Variants in ROBO2 observed in about 807,000 individuals in gnomAD.
The protein encoded by ROBO2 is roundabout guidance receptor 2.
A neutral mutation model predicts 160.8 loss-of-function variants in ROBO2; 53 were observed. That is an observed-to-expected ratio of 0.33 (90% CI 0.26 to 0.41). ROBO2 has a LOEUF of 0.41. Among genes scored for constraint, ROBO2 ranks in the 10% least tolerant of loss-of-function variants. The probability of loss-of-function intolerance (pLI) is 1.00; values close to 1 mark genes in which losing one functional copy is unlikely to be tolerated. For missense variants in ROBO2, 1,577 were observed against 1,722.4 expected (o/e 0.92, Z 1.49); for synonymous variants, 664 against 611.7 (o/e 1.09, Z -1.26).
chr3:76,766,702 T>A (rs1285295672), intron 2 of ROBO2, among the ~76,000 whole-genome samples: 1 of 151,566 alleles, frequency 6.6e-6, no homozygotes, highest in Admixed American at 6.6e-5. Flanking sequence ...ACAACAAAGT[T>A]GGGGGTGGAG....
At chr3:75,923,595 A>C (rs1294636271) in intron 1 of ROBO2, among the ~76,000 whole-genome samples, 1 of 152,228 alleles carries the variant, frequency 6.6e-6, no homozygotes, top group Non-Finnish European at 1.5e-5. Context: ...CCAGAACACA[A>C]GAGGATGCTG....
chr3:77,335,366 C>T (rs2066389090), intron 2 of ROBO2, among the ~76,000 whole-genome samples: 1 of 152,164 alleles, frequency 6.6e-6, no homozygotes, highest in African/African-American at 2.4e-5. Flanking sequence ...AATATCACAT[C>T]ACCGCACTCC....
chr3:76,071,121 T>G (rs1253251033), intron 2 of ROBO2, among the ~76,000 whole-genome samples: 1 of 152,202 alleles, frequency 6.6e-6, no homozygotes, highest in East Asian at 1.9e-4. Flanking sequence ...TTGTCTGGGT[T>G]GATAATTATC....
chr3:76,750,847 T>A (rs2093973275), intron 2 of ROBO2, among the ~76,000 whole-genome samples: 1 of 152,108 alleles, frequency 6.6e-6, no homozygotes, highest in Non-Finnish European at 1.5e-5. Context: ...GAAGACTCAA[T>A]ATCGTGAAAA....
intron 2 of ROBO2, among the ~76,000 whole-genome samples, chr3:77,016,486 A>T (rs1157718347): frequency 6.6e-6 from 1 of 152,084 alleles, no homozygotes; most frequent in African/African-American, 2.4e-5. Context: ...ATCTATATAT[A>T]TTTATCTTTG....
At chr3:77,427,455 C>T (rs1581853048) in intron 2 of ROBO2, among the ~76,000 whole-genome samples, 1 of 152,248 alleles carries the variant, frequency 6.6e-6, no homozygotes, top group Admixed American at 6.5e-5. Context: ...TCACGTATCT[C>T]ATAAGTGGTA....
At chr3:76,022,809 C>T (rs1188259170) in intron 2 of ROBO2, among the ~76,000 whole-genome samples, 1 of 151,664 alleles carries the variant, frequency 6.6e-6, no homozygotes, top group East Asian at 1.9e-4. Context: ...GCTGCATTAG[C>T]CCCTACAAAG....
intron 2 of ROBO2, among the ~76,000 whole-genome samples, chr3:77,315,564 T>C (rs2153425989): frequency 6.6e-6 from 1 of 152,342 alleles, no homozygotes; most frequent in African/African-American, 2.4e-5. Flanking sequence ...TCACTCACAT[T>C]TTTTAAAACT....
chr3:76,788,569 A>T (rs368380659), intron 2 of ROBO2, among the ~76,000 whole-genome samples: 1 of 151,592 alleles, frequency 6.6e-6, no homozygotes, highest in Non-Finnish European at 1.5e-5. Flanking sequence ...GACTTTTATG[A>T]TAAGAAATTA....
intron 2 of ROBO2, among the ~76,000 whole-genome samples, chr3:75,941,513 T>C (rs1450430329): frequency 6.6e-6 from 1 of 152,162 alleles, no homozygotes; most frequent in Non-Finnish European, 1.5e-5. Flanking sequence ...TCAATTTGGT[T>C]TCCACGATGA....
intron 2 of ROBO2, among the ~76,000 whole-genome samples, chr3:77,407,321 T>C (rs186818524): frequency 5.0e-4 from 74 of 149,316 alleles, no homozygotes; most frequent in African/African-American, 1.7e-3. Flanking sequence ...TAGTTTTCTC[T>C]AAGCCTTTTA....
At chr3:77,328,062 CAAAAAAA>C (rs57829219) in intron 2 of ROBO2, among the ~76,000 whole-genome samples, 7 of 112,848 alleles carry the variant, frequency 6.2e-5, no homozygotes, top group Non-Finnish European at 8.6e-5. Flanking sequence ...GACCGTATCT[CAAAAAAA>C]AAAAAAAAAA....
At chr3:76,498,675 T>C (rs1032558158) in intron 2 of ROBO2, among the ~76,000 whole-genome samples, 2 of 146,132 alleles carry the variant, frequency 1.4e-5, no homozygotes, top group African/African-American at 5.0e-5. Flanking sequence ...TTCTTCTTAG[T>C]TTGTCTGCTT....
At chr3:76,928,423 GTTGT>G (rs1340477422) in intron 2 of ROBO2, among the ~76,000 whole-genome samples, 3 of 150,766 alleles carry the variant, frequency 2.0e-5, no homozygotes, top group Non-Finnish European at 1.5e-5. Context: ...ACACAATTGT[GTTGT>G]TTGTGTGCTA....
intron 2 of ROBO2, among the ~76,000 whole-genome samples, chr3:77,375,901 T>C (rs1006919388): frequency 1.3e-5 from 2 of 152,102 alleles, no homozygotes; most frequent in African/African-American, 4.8e-5. Flanking sequence ...TTACCGATGA[T>C]TTCAGTACTG....
intron 2 of ROBO2, among the ~76,000 whole-genome samples, chr3:76,293,870 G>T (rs558547849): frequency 6.6e-6 from 1 of 152,248 alleles, no homozygotes; most frequent in African/African-American, 2.4e-5. Context: ...ATTCAACTCA[G>T]ACCATTTAGA....
intron 2 of ROBO2, among the ~76,000 whole-genome samples, chr3:76,216,149 T>C (rs2107359185): frequency 6.6e-6 from 1 of 152,102 alleles, no homozygotes; most frequent in African/African-American, 2.4e-5. Context: ...CTAAAAGAGC[T>C]CCTGAAGGAA....
At chr3:76,213,628 G>A (rs1703295730) in intron 2 of ROBO2, among the ~76,000 whole-genome samples, 1 of 152,014 alleles carries the variant, frequency 6.6e-6, no homozygotes, top group African/African-American at 2.4e-5. Context: ...AGAACATTTT[G>A]CAAATATCTT....
At chr3:77,270,145 G>A (rs1198138698) in intron 2 of ROBO2, among the ~76,000 whole-genome samples, 1 of 152,122 alleles carries the variant, frequency 6.6e-6, no homozygotes, top group South Asian at 2.1e-4. Flanking sequence ...CTCCTTAGAA[G>A]CAGCCAACAG....
Sources: gnomAD v4.1 joint callset for allele counts (sites outside exome capture counted in the v4.1 genomes callset) on GRCh38, gnomAD v4.1.1 for gene constraint, MANE v1.5 for transcripts, NCBI Gene and HGNC (gene_info 2026-07-23, HGNC 2026-07-21) for gene names.